USP25: variants seen among roughly 807,000 people sequenced by gnomAD.
USP25 encodes ubiquitin specific peptidase 25.
In USP25, 85 loss-of-function variants were observed where a neutral mutation model predicts 158.5. That is an observed-to-expected ratio of 0.54 (90% confidence interval 0.45 to 0.64). The LOEUF is 0.64. Ranked by LOEUF, USP25 falls within the 30% of genes least tolerant of loss-of-function variation. The pLI is 0.00. For missense variants in USP25, 1,242 were observed against 1,327.3 expected, an observed-to-expected ratio of 0.94 and a Z score of 1.00; for synonymous variants, 464 against 460.4, an observed-to-expected ratio of 1.01 and a Z score of -0.10.
At chr21:15,861,833 A>G (rs1018340134) in intron 20 of USP25, among the ~76,000 whole-genome samples, 2 of 152,084 alleles carry the variant, frequency 1.3e-5, no homozygotes, top group African/African-American at 4.8e-5. Flanking sequence ...GTGTGATTGA[A>G]AAACAGCTCC....
intron 10 of USP25, among the ~76,000 whole-genome samples, chr21:15,822,835 C>T (rs966601732): frequency 7.9e-5 from 12 of 151,776 alleles, no homozygotes; most frequent in African/African-American, 2.4e-4. Context: ...TTATTTAATC[C>T]GTTTCAGGTA....
At chr21:15,759,821 G>A (rs921254714) in intron 1 of USP25, among the ~76,000 whole-genome samples, 4 of 152,162 alleles carry the variant, frequency 2.6e-5, no homozygotes, top group Non-Finnish European at 5.9e-5. Context: ...GTGCCTTGAA[G>A]CTTCAGATTT....
chr21:15,787,784 CAGTG>C (rs2035363092), intron 4 of USP25, among the ~76,000 whole-genome samples: 1 of 151,290 alleles, frequency 6.6e-6, no homozygotes, highest in Non-Finnish European at 1.5e-5. Context: ...GCATGTTTCT[CAGTG>C]AGTGTAATAC....
At chr21:15,833,219 T>TA in intron 16 of USP25, 129 bp from the exon 17 acceptor site, 1 of 824,730 alleles carries the variant, frequency 1.2e-6, no homozygotes, top group Non-Finnish European at 1.9e-6. Flanking sequence ...TAGTAATTCT[T>TA]AAGTAATATG....
intron 5 of USP25, 125 bp downstream of exon 5, chr21:15,791,789 C>T: frequency 1.0e-6 from 1 of 958,590 alleles, no homozygotes; most frequent in Non-Finnish European, 1.4e-6. Flanking sequence ...ACTATTTTGT[C>T]TAATAAACTA....
intron 4 of USP25, among the ~76,000 whole-genome samples, chr21:15,784,567 T>G (rs2035168406): frequency 6.6e-6 from 1 of 151,464 alleles, no homozygotes; most frequent in African/African-American, 2.4e-5. Flanking sequence ...AGCGAAACTC[T>G]GTTTCAAAAA....
intron 20 of USP25, among the ~76,000 whole-genome samples, chr21:15,861,600 A>G (rs1003796693): frequency 1.3e-5 from 2 of 152,182 alleles, no homozygotes; most frequent in African/African-American, 4.8e-5. Flanking sequence ...AGCATGGAAC[A>G]TCTGTTGAGA....
chr21:15,780,647 A>G (rs750297824), intron 4 of USP25, among the ~76,000 whole-genome samples: 22 of 152,198 alleles, frequency 1.4e-4, no homozygotes, highest in Non-Finnish European at 2.9e-4. Flanking sequence ...TGTTTCAACT[A>G]GTTATTTCTT....
intron 4 of USP25, among the ~76,000 whole-genome samples, chr21:15,789,771 G>A (rs550288858): frequency 2.4e-4 from 37 of 151,828 alleles, no homozygotes; most frequent in Admixed American, 1.2e-3. Flanking sequence ...GTATCTCAAC[G>A]TCTAAATATA....
intron 7 of USP25, among the ~76,000 whole-genome samples, chr21:15,807,722 G>A (rs1164705023): frequency 1.3e-5 from 2 of 152,138 alleles, no homozygotes; most frequent in African/African-American, 4.8e-5. Context: ...CTCACCATTG[G>A]ATTTAGCCCC....
rs1198730312 is a variant in USP25, at chr21:15,776,290, C to T, written c.269-1614C>T. Among the ~76,000 whole-genome samples the T allele has an allele frequency of 4.0e-5, 6 of 151,864 alleles. No individual in the cohort carries two copies. In the East Asian group the frequency reaches 1.2e-3, roughly 29 times the overall value. On this transcript the variant is annotated intron_variant, in intron 3 of 25. Transcript: ENST00000400183. ...TTTACTTGCCTGTATTTTTGGGGGG[C>T]CCTACTTAATACACTTTTGTGAGGT...
At chr21:15,833,639 A>T in intron 17 of USP25, 91 bp downstream of exon 17, 1 of 1,130,872 alleles carries the variant, frequency 8.8e-7, no homozygotes, top group Admixed American at 2.6e-5. Flanking sequence ...GCTATCTTAA[A>T]GTGTGAGGAA....
At chr21:15,791,721 G>A in intron 5 of USP25, 57 bp downstream of exon 5, 4 of 1,528,086 alleles carry the variant, frequency 2.6e-6, no homozygotes, top group Non-Finnish European at 3.5e-6. Flanking sequence ...AATGGAAAGT[G>A]AGTTGGTTGT....
intron 24 of USP25, chr21:15,876,830 A>G (rs946526796): frequency 5.3e-5 from 8 of 152,248 alleles, no homozygotes; most frequent in African/African-American, 1.9e-4. Context: ...CATAAGAATT[A>G]TGTGGTGTAA....
intron 1 of USP25, among the ~76,000 whole-genome samples, chr21:15,762,477 C>G (rs529080794): frequency 1.3e-5 from 2 of 152,132 alleles, no homozygotes; most frequent in South Asian, 4.2e-4. Context: ...CTGAAGATCT[C>G]CGTGGTATAA....
chr21:15,863,909 C>T (rs549764517), intron 20 of USP25, among the ~76,000 whole-genome samples: 5 of 151,946 alleles, frequency 3.3e-5, no homozygotes, highest in East Asian at 1.9e-4. Context: ...TGGTGGTGGG[C>T]GCCTGTAATC....
intron 1 of USP25, among the ~76,000 whole-genome samples, chr21:15,744,515 T>C (rs574944111): frequency 3.3e-5 from 5 of 152,004 alleles, no homozygotes; most frequent in Non-Finnish European, 7.4e-5. Flanking sequence ...GGTTTTGCCA[T>C]GTTGGCCAGG....
chr21:15,748,464 T>G lies in USP25; in HGVS notation c.46-14427T>G, dbSNP rs9981759. On this transcript the variant is annotated intron_variant, in intron 1 of 25. Coordinates refer to ENST00000400183, the MANE Select transcript of USP25 (RefSeq NM_001283041.3). ...CCCAGCTACTTTTTAGTTTTTTTTT[T>G]TTTTTTTTTTTTTTTTGTAGAGATG... Among the ~76,000 whole-genome samples the G allele has an allele frequency of 5.4e-3, 773 of 142,992 alleles. 9 individuals carry two copies. The highest frequency in any genetic ancestry group is 0.02 in the African/African-American group (752 of 38,494). The allele number at this position is 142,992 out of a possible 152,430, so 93.8% of individuals were successfully genotyped here.
intron 3 of USP25, among the ~76,000 whole-genome samples, chr21:15,776,945 T>C (rs562406670): frequency 5.3e-5 from 8 of 152,174 alleles, no homozygotes; most frequent in Non-Finnish European, 8.8e-5. Context: ...ACAGATAGTT[T>C]CTCTTTCTGA....
Sources: gnomAD v4.1 joint callset for allele counts (sites outside exome capture counted in the v4.1 genomes callset) on GRCh38, gnomAD v4.1.1 for gene constraint, MANE v1.5 for transcripts, NCBI Gene and HGNC (gene_info 2026-07-23, HGNC 2026-07-21) for gene names.